CYTL1: variants seen among roughly 807,000 people sequenced by gnomAD.
CYTL1 encodes the protein cytokine like 1.
CYTL1 carries 17 observed loss-of-function variants against 13.1 expected under a neutral mutation model. The observed-to-expected ratio is 1.29, with a 90% CI of 0.89 to 1.94. The LOEUF is 1.94. Among genes scored for constraint, CYTL1 ranks in the 30% most tolerant of loss-of-function variants. The pLI, the probability that CYTL1 is intolerant of heterozygous loss-of-function variation, is 0.00. For synonymous variants in CYTL1, 91 were observed against 79.4 expected, an observed-to-expected ratio of 1.15 and a Z score of -0.78; for missense variants, 213 against 174.8, an observed-to-expected ratio of 1.22 and a Z score of -1.23.
At chr4:5,019,233 G>A (rs528822946) in intron 1 of CYTL1, 60 bp downstream of exon 1, 35 of 1,313,238 alleles carry the variant, frequency 2.7e-5, no homozygotes, top group African/African-American at 1.4e-4. Context: ...TCGTGTAAAG[G>A]CAAGGGTTTA....
chr4:5,018,553 T>C (rs1189735336), intron 1 of CYTL1, among the ~76,000 whole-genome samples: 1 of 152,268 alleles, frequency 6.6e-6, no homozygotes, highest in Admixed American at 6.5e-5. Flanking sequence ...TGAAGTTTAA[T>C]GCATTTTGTT....
At position 5,014,812 on chromosome 4, in the gene CYTL1, A is replaced by G. The variant is rs2108732519; in HGVS notation, c.*339T>C. 3.9e-6 allele frequency: 1 copy of G among 255,716 alleles called. No homozygotes were observed. 15.8% of individuals were successfully genotyped at this position (255,716 alleles called of 1,614,324 possible). A position where few individuals can be genotyped will look rare whatever the true frequency, so the allele number is the denominator to read the frequency against. On this transcript the variant is annotated 3_prime_UTR_variant, in exon 4 of 4. Transcript: ENST00000307746. ...GTACCATTACTCCATTAAACCAGTAATAAAAACATACTATTGTGCAAGTTC... is the reference window on the plus strand; with the variant it reads ...GTACCATTACTCCATTAAACCAGTAGTAAAAACATACTATTGTGCAAGTTC...
At chr4:5,018,855 C>T (rs536120745) in intron 1 of CYTL1, among the ~76,000 whole-genome samples, 16 of 152,264 alleles carry the variant, frequency 1.1e-4, no homozygotes, top group South Asian at 4.2e-4. Flanking sequence ...AGATGAGGGG[C>T]GGAGGCCAGT....
chr4:5,019,407 G>A lies in CYTL1; in HGVS notation c.39C>T (p.Leu13=). ...TPGPLPVLLL[L]LAGAPAARPT... is the part of the protein sequence containing the mutation. The stretch of plus-strand genomic sequence containing the variant: ...GCCGCGCGGCGGGGGCTCCCGCCAG[G>A]AGCAGCAGCAGCACGGGCAGAGGCC... The change falls in exon 1 of 4, where the codon CTC becomes CTT. Residue 13 remains leucine, a synonymous_variant. Transcript: ENST00000307746. The A allele has an allele frequency of 3.4e-6, 5 of 1,491,004 alleles. No homozygotes were observed. The highest frequency in any genetic ancestry group is 3.5e-6 in the Non-Finnish European group (4 of 1,128,740). 92.4% of individuals were successfully genotyped at this position (1,491,004 alleles called of 1,614,324 possible). A position where few individuals can be genotyped will look rare whatever the true frequency, so the allele number is the denominator to read the frequency against.
chr4:5,017,125 A>G lies in CYTL1; in HGVS notation c.198+10T>C. On this transcript the variant is annotated intron_variant, in intron 2 of 3. Coordinates refer to ENST00000307746, the MANE Select transcript of CYTL1 (RefSeq NM_018659.3). Reference sequence around the variant, plus strand: ...CCAAGACCTCCCTCCCCCAGGGAGAACCCTCTTACGTGTATGTCCAGGTAC... The same window carrying G: ...CCAAGACCTCCCTCCCCCAGGGAGAGCCCTCTTACGTGTATGTCCAGGTAC... The G allele has an allele frequency of 6.2e-7, 1 of 1,613,562 alleles. No individual in the cohort carries two copies.
intron 1 of CYTL1, among the ~76,000 whole-genome samples, chr4:5,019,083 C>G (rs1292756924): frequency 1.8e-5 from 2 of 110,284 alleles, no homozygotes; most frequent in Non-Finnish European, 3.6e-5. Flanking sequence ...ATTGTGTTGT[C>G]TTTACTTTTT....
Position 5,016,824 on chromosome 4 carries a change from G to A in CYTL1, c.327+12C>T, listed in dbSNP as rs767211171. The A allele has an allele frequency of 2.5e-6, 4 of 1,613,868 alleles. No individual in the cohort carries two copies. Among genetic ancestry groups the A allele is most frequent in the Non-Finnish European group, 3.4e-6 (4 of 1,179,928 alleles). ...GCAAGTAGAAAATAGACTTTCAATGGCATCCACTTACTCTCCTGCAGAACG... is the reference window on the plus strand; with the variant it reads ...GCAAGTAGAAAATAGACTTTCAATGACATCCACTTACTCTCCTGCAGAACG... On this transcript the variant is annotated intron_variant, in intron 3 of 3. Coordinates refer to ENST00000307746, the MANE Select transcript of CYTL1 (RefSeq NM_018659.3).
intron 3 of CYTL1, 73 bp from the exon 4 acceptor site, chr4:5,015,307 T>A: frequency 8.5e-7 from 1 of 1,178,080 alleles, no homozygotes. Flanking sequence ...TGTAGGGCTC[T>A]TGGTTATCCT....
rs1395048676 is a variant in CYTL1, at chr4:5,016,865, AC to A, written c.297del (p.Tyr100ThrfsTer4). On this transcript the variant is annotated frameshift_variant, in exon 3 of 4. Transcript: ENST00000307746. LOFTEE classifies it high-confidence loss of function. ...CTGCAGAACGAGTTCATGATGGTGT[AC>A]AGCTTCCGTGCTTTGTCCTTCAAGG... ...VDSLKDKARK[L>X]YTIMNSFCRR... The A allele has an allele frequency of 6.2e-7, 1 of 1,614,216 alleles. No individual in the cohort carries two copies. The highest frequency in any genetic ancestry group is 8.5e-7 in the Non-Finnish European group (1 of 1,180,034).
At chr4:5,015,736 C>T (rs986235990) in intron 3 of CYTL1, among the ~76,000 whole-genome samples, 3 of 152,190 alleles carry the variant, frequency 2.0e-5, no homozygotes, top group Non-Finnish European at 2.9e-5. Context: ...GAAATTATAA[C>T]TTAATAGCTA....
chr4:5,015,248 G>C lies in CYTL1; in HGVS notation c.328-14C>G, dbSNP rs538800764. ...GAATACCAAATCCTGAAAAAGATGT[G>C]CAATGAGCAGGAAAGTTACTGAAGG... is the stretch of plus-strand genomic sequence containing the variant. On this transcript the variant is annotated splice_polypyrimidine_tract_variant and intron_variant, in intron 3 of 3. Transcript: ENST00000307746. 4.4e-6 allele frequency: 7 copies of C among 1,606,310 alleles called. No homozygotes were observed. The highest frequency in any genetic ancestry group is 6.0e-6 in the Non-Finnish European group (7 of 1,174,604).
chr4:5,016,278 AC>A (rs1577595224), intron 3 of CYTL1, among the ~76,000 whole-genome samples: 2 of 152,154 alleles, frequency 1.3e-5, no homozygotes, highest in African/African-American at 4.8e-5. Context: ...CATAAGCTAA[AC>A]AAACATCTTT....
chr4:5,019,003 C>CTTTTTTTTTTTTTTTTTTTTTTTTTTT (rs1186542271), intron 1 of CYTL1, among the ~76,000 whole-genome samples: 1 of 89,640 alleles, frequency 1.1e-5, no homozygotes, highest in Non-Finnish European at 2.1e-5. Context: ...TTTCTTTTTT[C>CTTTTTTTTTTTTTTTTTTTTTTTTTTT]TTTTTTTTTT....
chr4:5,015,786 A>G (rs1741060014), intron 3 of CYTL1, among the ~76,000 whole-genome samples: 1 of 152,208 alleles, frequency 6.6e-6, no homozygotes, highest in Admixed American at 6.5e-5. Context: ...TGGGCTAGGC[A>G]TGGTGCTAGC....
chr4:5,019,211 C>CT, intron 1 of CYTL1, 82 bp downstream of exon 1: 1 of 1,201,244 alleles, frequency 8.3e-7, no homozygotes, highest in Non-Finnish European at 1.1e-6. Context: ...CTCTCTCTCT[C>CT]TCTTTTTTTT....
At chr4:5,017,991 T>A (rs2108734063) in intron 1 of CYTL1, among the ~76,000 whole-genome samples, 1 of 152,318 alleles carries the variant, frequency 6.6e-6, no homozygotes, top group African/African-American at 2.4e-5. Flanking sequence ...TTCTTCCCGC[T>A]CTGTGGTTCA....
chr4:5,016,851 G>A lies in CYTL1; in HGVS notation c.312C>T (p.Asn104=), dbSNP rs1741083912. The change falls in exon 3 of 4, where the codon AAC becomes AAT. Residue 104 remains asparagine, a synonymous_variant. Coordinates refer to ENST00000307746, the MANE Select transcript of CYTL1 (RefSeq NM_018659.3). ...ATCCACTTACTCTCCTGCAGAACGA[G>A]TTCATGATGGTGTACAGCTTCCGTG... ...DKARKLYTIM[N]SFCRRDLVFL... The A allele has an allele frequency of 6.2e-7, 1 of 1,614,192 alleles. No homozygotes were observed. Among genetic ancestry groups the A allele is most frequent in the Non-Finnish European group, 8.5e-7 (1 of 1,180,034 alleles).
In CYTL1 at chr4:5,015,244, A is replaced by T. The variant is rs1417111891; in HGVS notation, c.328-10T>A. On this transcript the variant is annotated splice_polypyrimidine_tract_variant and intron_variant, in intron 3 of 3. Coordinates refer to ENST00000307746, the MANE Select transcript of CYTL1 (RefSeq NM_018659.3). Reference sequence around the variant, plus strand: ...ACAGGAATACCAAATCCTGAAAAAGATGTGCAATGAGCAGGAAAGTTACTG... The same window carrying T: ...ACAGGAATACCAAATCCTGAAAAAGTTGTGCAATGAGCAGGAAAGTTACTG... 1 of 1,609,026 alleles carries T rather than the reference A, an allele frequency of 6.2e-7. No homozygotes were observed. The highest frequency in any genetic ancestry group is 1.7e-5 in the Admixed American group (1 of 59,764).
At chr4:5,018,316 C>T (rs1741123368) in intron 1 of CYTL1, among the ~76,000 whole-genome samples, 1 of 152,124 alleles carries the variant, frequency 6.6e-6, no homozygotes, top group African/African-American at 2.4e-5. Context: ...GGTAGAATTA[C>T]AAGCAAGATT....
Sources: gnomAD v4.1 joint callset for allele counts (sites outside exome capture counted in the v4.1 genomes callset) on GRCh38, gnomAD v4.1.1 for gene constraint, MANE v1.5 for transcripts, NCBI Gene and HGNC (gene_info 2026-07-23, HGNC 2026-07-21) for gene names.